Variants in FRMD5 observed in about 807,000 individuals in gnomAD.
FRMD5 encodes the protein FERM domain-containing protein 5.
In FRMD5, 20 loss-of-function variants were observed where a neutral mutation model predicts 69.0. The ratio of observed to expected loss-of-function variants is 0.29; its 90% CI spans 0.20 to 0.42. The LOEUF is 0.42. Among genes scored for constraint, FRMD5 ranks in the 10% least tolerant of loss-of-function variants. The probability of loss-of-function intolerance (pLI) is 1.00; values close to 1 mark genes in which losing one functional copy is unlikely to be tolerated. For missense variants in FRMD5, 595 were observed against 708.6 expected (o/e 0.84, Z 1.82); for synonymous variants, 271 against 260.1 (o/e 1.04, Z -0.40).
In FRMD5 at chr15:43,937,342, G is replaced by A. The variant is rs186493644; in HGVS notation, c.103-13033C>T. Among the ~76,000 whole-genome samples the A allele has an allele frequency of 3.7e-3, 564 of 152,242 alleles. 3 individuals carry two copies. The highest frequency in any genetic ancestry group is 6.0e-3 in the Non-Finnish European group (409 of 68,014). ...CTCCGGGACAGAGTTTAGCATGAAG[G>A]ATGTTTATTAAGAAGTGCTCTTCGG... On this transcript the variant is annotated intron_variant, in intron 1 of 13. Transcript: ENST00000417257.
At chr15:43,893,132 A>AC (rs544955246) in intron 7 of FRMD5, among the ~76,000 whole-genome samples, 2,425 of 143,574 alleles carry the variant, frequency 0.017, 28 homozygotes, top group Middle Eastern at 0.042. Context: ...AAAAAACAAA[A>AC]AAAAAAAAAA....
At chr15:44,091,355 C>T (rs749017161) in intron 1 of FRMD5, among the ~76,000 whole-genome samples, 4 of 152,044 alleles carry the variant, frequency 2.6e-5, no homozygotes, top group Non-Finnish European at 5.9e-5. Flanking sequence ...TATATGCACA[C>T]ACACACGCAC....
In FRMD5 at chr15:44,001,603, A is replaced by C. The variant is rs534211430; in HGVS notation, c.103-77294T>G. 4.3e-4 allele frequency among the ~76,000 whole-genome samples: 48 copies of C among 110,822 alleles called. 1 individual carries two copies. In the South Asian group the frequency reaches 0.017, roughly 38 times the overall value. The allele number at this position is 110,822 out of a possible 152,430, so 72.7% of individuals were successfully genotyped here. On this transcript the variant is annotated intron_variant, in intron 1 of 13. Coordinates refer to ENST00000417257, the MANE Select transcript of FRMD5 (RefSeq NM_032892.5). ...GTGTATGGCATAAGATAAAGATCCA[A>C]TTTTATTGTTTTTTTTTTTTTTGAG...
intron 7 of FRMD5, among the ~76,000 whole-genome samples, chr15:43,897,258 C>T (rs182568738): frequency 2.2e-4 from 33 of 151,888 alleles, no homozygotes; most frequent in South Asian, 6.2e-4. Flanking sequence ...GAGGCCGAGG[C>T]GGGCAGATCA....
intron 1 of FRMD5, among the ~76,000 whole-genome samples, chr15:44,012,139 A>T (rs185901987): frequency 6.6e-6 from 1 of 152,306 alleles, no homozygotes; most frequent in Non-Finnish European, 1.5e-5. Context: ...GACTTAATAA[A>T]TCTCCCTAAG....
chr15:44,034,112 T>A (rs1466934017), intron 1 of FRMD5, among the ~76,000 whole-genome samples: 1 of 152,196 alleles, frequency 6.6e-6, no homozygotes, highest in Non-Finnish European at 1.5e-5. Context: ...TGGAAACTGT[T>A]ACTCTTGTTT....
At chr15:43,900,480 A>T (rs2089018449) in intron 7 of FRMD5, among the ~76,000 whole-genome samples, 1 of 152,196 alleles carries the variant, frequency 6.6e-6, no homozygotes, top group African/African-American at 2.4e-5. Flanking sequence ...ACTGTGGGGT[A>T]GGGAAGATGA....
intron 1 of FRMD5, among the ~76,000 whole-genome samples, chr15:44,056,002 A>G (rs1768431970): frequency 6.6e-6 from 1 of 152,192 alleles, no homozygotes; most frequent in Non-Finnish European, 1.5e-5. Flanking sequence ...ATTTGTCCCC[A>G]AATTGAAATA....
chr15:44,009,936 G>A (rs1163779297), intron 1 of FRMD5, among the ~76,000 whole-genome samples: 1 of 152,178 alleles, frequency 6.6e-6, no homozygotes, highest in Non-Finnish European at 1.5e-5. Flanking sequence ...TAAACACTGT[G>A]GATCTCTACT....
At position 44,011,563 on chromosome 15, in the gene FRMD5, T is replaced by C. The variant is rs77427473; in HGVS notation, c.103-87254A>G. Among the ~76,000 whole-genome samples, 353 of 152,268 alleles carry C rather than the reference T, an allele frequency of 2.3e-3. 7 individuals are homozygous for C. The East Asian group carries it at 0.06, about 26-fold the overall frequency. Reference sequence around the variant, plus strand: ...TGTTGGAAATGTGCGACTGAAGCCCTGAGGAGAGGTCTGGATTGCTGAAGC... The same window carrying C: ...TGTTGGAAATGTGCGACTGAAGCCCCGAGGAGAGGTCTGGATTGCTGAAGC... On this transcript the variant is annotated intron_variant, in intron 1 of 13. Transcript: ENST00000417257.
chr15:43,989,349 G>C, intron 1 of FRMD5: 1 of 785,828 alleles, frequency 1.3e-6, no homozygotes, highest in South Asian at 1.3e-5. Flanking sequence ...TGATGGAGTT[G>C]AAGGTAGTTT....
chr15:44,015,481 G>A lies in FRMD5; in HGVS notation c.103-91172C>T, dbSNP rs1279856534. On this transcript the variant is annotated intron_variant, in intron 1 of 13. Transcript: ENST00000417257. ...ATAGTGCATTTTCTTCTAATAATGA[G>A]AAGAATATAAAATATATCTTCTTTT... Among the ~76,000 whole-genome samples, 3 of 152,184 alleles carry A rather than the reference G, an allele frequency of 2.0e-5. No homozygotes were observed. The South Asian group carries it at 6.2e-4, about 32-fold the overall frequency.
rs375774666 is a variant in FRMD5 at position 44,144,076 on chromosome 15, A to G, written c.102+50877T>C. 8.5e-4 allele frequency among the ~76,000 whole-genome samples: 129 copies of G among 152,248 alleles called. 1 individual carries two copies. The highest frequency in any genetic ancestry group is 3.0e-3 in the African/African-American group (123 of 41,556). ...ACTATGAAGTCCCTGAGAACTTTTCAGTGTCCAAAAAAGTGGCATTCAATA... is the reference window on the plus strand; with the variant it reads ...ACTATGAAGTCCCTGAGAACTTTTCGGTGTCCAAAAAAGTGGCATTCAATA... On this transcript the variant is annotated intron_variant, in intron 1 of 13. Transcript: ENST00000417257.
At chr15:44,073,189 G>A (rs1055716707) in intron 1 of FRMD5, among the ~76,000 whole-genome samples, 1 of 151,944 alleles carries the variant, frequency 6.6e-6, no homozygotes, top group Non-Finnish European at 1.5e-5. Flanking sequence ...CATATTTCAG[G>A]TAAATCTTAC....
intron 1 of FRMD5, among the ~76,000 whole-genome samples, chr15:43,940,170 C>T (rs773624606): frequency 6.6e-6 from 1 of 152,174 alleles, no homozygotes. Flanking sequence ...CAGGGCAAAA[C>T]TCTGTCTCAA....
intron 1 of FRMD5, among the ~76,000 whole-genome samples, chr15:44,040,974 T>C (rs1474103348): frequency 3.2e-5 from 3 of 94,192 alleles, no homozygotes; most frequent in Non-Finnish European, 5.7e-5. Flanking sequence ...GAGGAATATT[T>C]ACCAAGGAAA....
chr15:44,022,816 G>T (rs1362120511), intron 1 of FRMD5, among the ~76,000 whole-genome samples: 1 of 152,124 alleles, frequency 6.6e-6, no homozygotes, highest in Non-Finnish European at 1.5e-5. Context: ...CCTGACTCTA[G>T]ACCATCTGAG....
At chr15:44,110,419 G>A (rs887835570) in intron 1 of FRMD5, among the ~76,000 whole-genome samples, 1 of 152,224 alleles carries the variant, frequency 6.6e-6, no homozygotes, top group Non-Finnish European at 1.5e-5. Flanking sequence ...CAAGGAGTGT[G>A]ATTGCTAGAT....
intron 4 of FRMD5, among the ~76,000 whole-genome samples, chr15:43,912,543 T>G (rs1016101042): frequency 2.6e-5 from 4 of 151,954 alleles, no homozygotes; most frequent in African/African-American, 9.7e-5. Context: ...CATCACGTCT[T>G]CCATGTTTCT....
Sources: gnomAD v4.1 joint callset for allele counts (sites outside exome capture counted in the v4.1 genomes callset) on GRCh38, gnomAD v4.1.1 for gene constraint, MANE v1.5 for transcripts, NCBI Gene and HGNC (gene_info 2026-07-23, HGNC 2026-07-21) for gene names.